The following ARF4 variants were observed in gnomAD, a reference collection of about 807,000 sequenced individuals.
ARF4 encodes the protein ARF GTPase 4.
A neutral mutation model predicts 24.3 loss-of-function variants in ARF4; 5 were observed. The observed-to-expected ratio is 0.21, with a 90% CI of 0.11 to 0.43. ARF4 has a LOEUF of 0.43. ARF4 is among the 20% of genes least tolerant of loss of function. ARF4 has a pLI of 1.00. For synonymous variants in ARF4, 62 were observed against 73.5 expected, an observed-to-expected ratio of 0.84 and a Z score of 0.80; for missense variants, 107 against 213.0, an observed-to-expected ratio of 0.50 and a Z score of 3.10.
intron 3 of ARF4, among the ~76,000 whole-genome samples, chr3:57,582,477 G>A (rs920287527): frequency 6.6e-6 from 1 of 152,004 alleles, no homozygotes; most frequent in East Asian, 1.9e-4. Flanking sequence ...TCCTGACCTC[G>A]TGATCCGCCC....
intron 5 of ARF4, among the ~76,000 whole-genome samples, chr3:57,574,407 A>AGT (rs2069878902): frequency 1.2e-5 from 1 of 81,164 alleles, no homozygotes; most frequent in Non-Finnish European, 3.0e-5. Flanking sequence ...GAGAAGTACA[A>AGT]ATTTTTTTTT....
chr3:57,588,740 T>G (rs956157287), intron 1 of ARF4, among the ~76,000 whole-genome samples: 1 of 139,098 alleles, frequency 7.2e-6, no homozygotes, highest in Non-Finnish European at 1.5e-5. Flanking sequence ...GTGGATGACC[T>G]GAGCTCAGGA....
chr3:57,578,638 C>T, intron 3 of ARF4, among the ~76,000 whole-genome samples: 1 of 152,046 alleles, frequency 6.6e-6, no homozygotes, highest in Non-Finnish European at 1.5e-5. Context: ...TGCCACCACA[C>T]CTAGCTAATT....
intron 1 of ARF4, among the ~76,000 whole-genome samples, chr3:57,594,161 T>G (rs968604339): frequency 2.0e-5 from 3 of 152,032 alleles, no homozygotes; most frequent in Admixed American, 6.6e-5. Context: ...GAGGCAGAGG[T>G]TGCAGTGAGC....
rs2069848918 is a variant in ARF4, at chr3:57,572,120, A to G, written c.*92T>C. The G allele has an allele frequency of 1.0e-6, 1 of 959,312 alleles. No homozygotes were observed. The highest frequency in any genetic ancestry group is 2.4e-5 in the East Asian group (1 of 41,756). The allele number at this position is 959,312 out of a possible 1,614,324, so 59.4% of individuals were successfully genotyped here. On this transcript the variant is annotated 3_prime_UTR_variant, in exon 6 of 6. Coordinates refer to ENST00000303436, the MANE Select transcript of ARF4 (RefSeq NM_001660.4). ...TATTCTGCCCAAACCAGTCCCAGAT[A>G]CTGTTTAATAACCAAGATACAAACT...
chr3:57,590,127 AT>A (rs1399596582), intron 1 of ARF4, among the ~76,000 whole-genome samples: 27 of 147,780 alleles, frequency 1.8e-4, no homozygotes, highest in Admixed American at 3.4e-4. Flanking sequence ...AAATAAATAA[AT>A]AAATAAAACA....
rs749942883 is a variant in ARF4, at chr3:57,572,197, G to C, written c.*15C>G. On this transcript the variant is annotated 3_prime_UTR_variant, in exon 6 of 6. Coordinates refer to ENST00000303436, the MANE Select transcript of ARF4 (RefSeq NM_001660.4). The stretch of plus-strand genomic sequence containing the variant: ...ATTTTATCAAACATGTCCTTGGTTA[G>C]ATATCCAATTTCATTTAACGTTTTG... The C allele has an allele frequency of 2.2e-5, 36 of 1,601,472 alleles. 1 individual carries two copies. In the East Asian group the frequency reaches 7.8e-4, roughly 35 times the overall value.
chr3:57,577,292 A>C, intron 4 of ARF4, 24 bp downstream of exon 4: 1 of 1,589,356 alleles, frequency 6.3e-7, no homozygotes, highest in Non-Finnish European at 8.6e-7. Flanking sequence ...CTTGAAAATG[A>C]TGAATTTAAA....
At chr3:57,581,903 G>C (rs987220759) in intron 3 of ARF4, among the ~76,000 whole-genome samples, 1 of 152,218 alleles carries the variant, frequency 6.6e-6, no homozygotes, top group Non-Finnish European at 1.5e-5. Context: ...ATACATGTGA[G>C]TTTATTATGC....
chr3:57,582,285 C>A (rs2069983436), intron 3 of ARF4, among the ~76,000 whole-genome samples: 1 of 152,040 alleles, frequency 6.6e-6, no homozygotes, highest in Admixed American at 6.6e-5. Flanking sequence ...CTTTGTCACC[C>A]ATGCTGGAGT....
At chr3:57,585,418 C>G (rs781709656) in intron 1 of ARF4, among the ~76,000 whole-genome samples, 3 of 152,026 alleles carry the variant, frequency 2.0e-5, no homozygotes, top group Non-Finnish European at 4.4e-5. Flanking sequence ...GCCAATTTTA[C>G]CCCTGCTTAA....
chr3:57,574,323 A>G (rs1190102016), intron 5 of ARF4, among the ~76,000 whole-genome samples: 2 of 152,222 alleles, frequency 1.3e-5, no homozygotes, highest in African/African-American at 4.8e-5. Context: ...AAACTACTGT[A>G]AAAAGCCTAT....
chr3:57,577,030 A>G (rs1402100271), intron 4 of ARF4, among the ~76,000 whole-genome samples: 3 of 151,796 alleles, frequency 2.0e-5, no homozygotes, highest in African/African-American at 7.3e-5. Context: ...AGAGATAGGC[A>G]TCAAGATTAC....
chr3:57,576,624 T>C (rs1364030386), intron 4 of ARF4, among the ~76,000 whole-genome samples: 1 of 150,808 alleles, frequency 6.6e-6, no homozygotes, highest in Admixed American at 6.7e-5. Context: ...TGCCCTCTAA[T>C]CTTAGGAGGA....
At chr3:57,579,202 C>A (rs866033372) in intron 3 of ARF4, among the ~76,000 whole-genome samples, 1 of 114,926 alleles carries the variant, frequency 8.7e-6, no homozygotes, top group Non-Finnish European at 1.6e-5. Flanking sequence ...TGCAGTGAGC[C>A]GAGATGGCGC....
intron 1 of ARF4, among the ~76,000 whole-genome samples, chr3:57,590,979 G>T (rs901856100): frequency 6.6e-6 from 1 of 152,036 alleles, no homozygotes; most frequent in Admixed American, 6.6e-5. Context: ...TACATTTTTG[G>T]ACTTTAATTC....
chr3:57,577,753 C>A lies in ARF4; in HGVS notation c.259-366G>T, dbSNP rs557407411. Among the ~76,000 whole-genome samples, 2 of 152,040 alleles carry A rather than the reference C, an allele frequency of 1.3e-5. 1 individual carries two copies. Among genetic ancestry groups the A allele is most frequent in the South Asian group, 4.1e-4 (2 of 4,828 alleles). ...TAACAAATCAAGGATCCTAAAGAAT[C>A]GTGAATTTGGCCAGGCATGGTGGCT... On this transcript the variant is annotated intron_variant, in intron 3 of 5. Coordinates refer to ENST00000303436, the MANE Select transcript of ARF4 (RefSeq NM_001660.4).
chr3:57,583,632 T>C (rs1472875045), intron 3 of ARF4, among the ~76,000 whole-genome samples: 1 of 152,136 alleles, frequency 6.6e-6, no homozygotes. Flanking sequence ...GAACTACGGA[T>C]AAGAGACCTA....
chr3:57,581,232 GTAATGCTGGGAATGCAAGC>G (rs1332214290), intron 3 of ARF4, among the ~76,000 whole-genome samples: 1 of 152,186 alleles, frequency 6.6e-6, no homozygotes, highest in African/African-American at 2.4e-5. Flanking sequence ...GAACTGATCA[GTAATGCTGGGAATGCAAGC>G]TAAGAGCTTA....
Sources: allele counts gnomAD v4.1 joint callset (sites outside exome capture counted in the v4.1 genomes callset), GRCh38; gene constraint gnomAD v4.1.1; transcripts MANE v1.5; gene names NCBI Gene and HGNC (gene_info 2026-07-23, HGNC 2026-07-21).